Variants in UTRN observed in about 807,000 individuals in gnomAD.
UTRN encodes the protein dystrophin-related protein 1.
A neutral mutation model predicts 463.9 loss-of-function variants in UTRN; 283 were observed. The observed-to-expected ratio is 0.61, with a 90% CI of 0.55 to 0.67. UTRN has a LOEUF of 0.67. Ranked by LOEUF, UTRN falls within the 30% of genes least tolerant of loss-of-function variation. UTRN has a pLI of 0.00. For missense variants in UTRN, 3,922 were observed against 4,084.3 expected (o/e 0.96, Z 1.08); for synonymous variants, 1,442 against 1,431.5 (o/e 1.01, Z -0.17).
At chr6:144,835,992 C>T in intron 70 of UTRN, 54 bp downstream of exon 70, 1 of 1,585,104 alleles carries the variant, frequency 6.3e-7, no homozygotes, top group African/African-American at 1.4e-5. Flanking sequence ...GTATGAATTT[C>T]ACTGTAGCCC....
At chr6:144,485,291 A>G (rs1792322487) in intron 27 of UTRN, 94 bp from the exon 28 acceptor site, 16 of 1,524,366 alleles carry the variant, frequency 1.0e-5, no homozygotes, top group Non-Finnish European at 1.3e-5. Context: ...CTCACATCCA[A>G]ATGAAATTAT....
chr6:144,836,492 A>G lies in UTRN; in HGVS notation c.10016A>G (p.Asn3339Ser). 6.2e-7 allele frequency: 1 copy of G among 1,614,014 alleles called. No homozygotes were observed. Among genetic ancestry groups the G allele is most frequent in the Non-Finnish European group, 8.5e-7 (1 of 1,179,956 alleles). Reference sequence around the variant, plus strand: ...AGGATGCAGATTTTAGAAGATCACAATAAACAGCTGGAGTCTCAGCTCCAC... The same window carrying G: ...AGGATGCAGATTTTAGAAGATCACAGTAAACAGCTGGAGTCTCAGCTCCAC... ...EARMQILEDH[N>S]KQLESQLHRL... Residue 3339 changes from asparagine (N) to serine (S), a missense_variant, in exon 71 of 75, where the codon AAT becomes AGT. Asn to Ser is a conservative substitution (Grantham distance 46). Coordinates refer to ENST00000367545, the MANE Select transcript of UTRN (RefSeq NM_007124.3).
At chr6:144,411,545 A>G (rs1223129686) in intron 3 of UTRN, among the ~76,000 whole-genome samples, 2 of 152,106 alleles carry the variant, frequency 1.3e-5, no homozygotes, top group African/African-American at 2.4e-5. Flanking sequence ...TATCATCACT[A>G]TACCGGTAAC....
intron 30 of UTRN, among the ~76,000 whole-genome samples, chr6:144,489,829 C>G (rs1792874077): frequency 6.6e-6 from 1 of 151,692 alleles, no homozygotes; most frequent in Non-Finnish European, 1.5e-5. Flanking sequence ...ACCATCTTGG[C>G]CAGGCTGGTC....
At chr6:144,724,837 G>A (rs980405328) in intron 53 of UTRN, among the ~76,000 whole-genome samples, 3 of 152,188 alleles carry the variant, frequency 2.0e-5, no homozygotes, top group African/African-American at 7.2e-5. Context: ...CCATTCAGCA[G>A]TTGATGGATA....
chr6:144,291,994 A>G, intron 2 of UTRN, 87 bp downstream of exon 2: 1 of 1,341,796 alleles, frequency 7.5e-7, no homozygotes, highest in South Asian at 1.5e-5. Context: ...TGTTCTTGCA[A>G]GAACTTCTTG....
chr6:144,321,461 CTTTTTTTTTTT>C (rs529134208), intron 2 of UTRN, among the ~76,000 whole-genome samples: 10 of 100,456 alleles, frequency 1.0e-4, no homozygotes, highest in South Asian at 3.4e-4. Flanking sequence ...TGTGCCATAT[CTTTTTTTTTTT>C]TTTTTTTTTT....
intron 58 of UTRN, 149 bp from the exon 59 acceptor site, chr6:144,771,758 G>A (rs1195755725): frequency 1.8e-6 from 1 of 566,462 alleles, no homozygotes; most frequent in Non-Finnish European, 2.9e-6. Flanking sequence ...ATTGGGCATT[G>A]GGTTTCTGAA....
At chr6:144,385,279 G>T (rs1410732462) in intron 2 of UTRN, among the ~76,000 whole-genome samples, 1 of 152,242 alleles carries the variant, frequency 6.6e-6, no homozygotes, top group East Asian at 1.9e-4. Context: ...CATGGATTAC[G>T]ATCTGAGATT....
intron 66 of UTRN, among the ~76,000 whole-genome samples, chr6:144,826,271 A>G (rs1338407931): frequency 6.6e-6 from 1 of 152,112 alleles, no homozygotes; most frequent in Admixed American, 6.6e-5. Context: ...CTGTGCAGGC[A>G]TCAACCTGCA....
intron 65 of UTRN, among the ~76,000 whole-genome samples, chr6:144,808,747 C>A (rs1447694908): frequency 4.6e-5 from 7 of 151,860 alleles, no homozygotes; most frequent in African/African-American, 2.4e-5. Context: ...TTAAAGGTCC[C>A]ACATATAAGT....
At chr6:144,603,091 T>A (rs1188314670) in intron 51 of UTRN, among the ~76,000 whole-genome samples, 1 of 152,208 alleles carries the variant, frequency 6.6e-6, no homozygotes, top group African/African-American at 2.4e-5. Flanking sequence ...TTATGAATTT[T>A]TTTTGTTTGA....
At chr6:144,658,067 T>G (rs556169493) in intron 51 of UTRN, among the ~76,000 whole-genome samples, 1 of 152,342 alleles carries the variant, frequency 6.6e-6, no homozygotes, top group East Asian at 1.9e-4. Context: ...TGATGGTTGG[T>G]CTTCATGCTG....
intron 41 of UTRN, among the ~76,000 whole-genome samples, chr6:144,527,206 A>C (rs1026090806): frequency 6.6e-6 from 1 of 152,200 alleles, no homozygotes; most frequent in Non-Finnish European, 1.5e-5. Flanking sequence ...ATAGCAGCAA[A>C]TTCTCTCAGT....
chr6:144,746,533 A>G (rs910190840), intron 54 of UTRN, among the ~76,000 whole-genome samples: 5 of 151,116 alleles, frequency 3.3e-5, no homozygotes, highest in Admixed American at 6.6e-5. Context: ...CACCCAGGCA[A>G]TGGCACTGTG....
rs550150490 is a variant in UTRN at position 144,326,715 on chromosome 6, T to A, written c.79+34808T>A. ...CCACTTTTAATAGTAAGTGGCTTCC[T>A]TCTGCTCTTCTCCATCACTTGCAAC... On this transcript the variant is annotated intron_variant, in intron 2 of 74. Coordinates refer to ENST00000367545, the MANE Select transcript of UTRN (RefSeq NM_007124.3). Among the ~76,000 whole-genome samples, 28 of 152,308 alleles carry A rather than the reference T, an allele frequency of 1.8e-4. No homozygotes were observed. In the South Asian group the frequency reaches 5.6e-3, roughly 30 times the overall value.
chr6:144,303,426 T>C (rs989317555), intron 2 of UTRN, among the ~76,000 whole-genome samples: 4 of 152,246 alleles, frequency 2.6e-5, no homozygotes, highest in African/African-American at 9.6e-5. Context: ...GTTTTTCAAA[T>C]CGTACTGTAA....
intron 34 of UTRN, among the ~76,000 whole-genome samples, chr6:144,504,938 CTTG>C (rs1170752417): frequency 6.6e-6 from 1 of 152,096 alleles, no homozygotes; most frequent in African/African-American, 2.4e-5. Flanking sequence ...AATTTCAGAA[CTTG>C]TTGTTGGTCT....
intron 51 of UTRN, among the ~76,000 whole-genome samples, chr6:144,616,185 G>A (rs925066818): frequency 1.3e-5 from 2 of 152,102 alleles, no homozygotes; most frequent in East Asian, 3.9e-4. Flanking sequence ...TAAGCAGTGG[G>A]CCTTAACAGC....
Sources: gnomAD v4.1 joint callset for allele counts (sites outside exome capture counted in the v4.1 genomes callset) on GRCh38, gnomAD v4.1.1 for gene constraint, MANE v1.5 for transcripts, NCBI Gene and HGNC (gene_info 2026-07-23, HGNC 2026-07-21) for gene names.